The following RAB40C variants were observed in gnomAD, a reference collection of about 807,000 sequenced individuals.
RAB40C encodes RAB40C, member RAS oncogene family, also known as ras-related protein Rab-40C.
RAB40C carries 8 observed loss-of-function variants against 28.1 expected under a neutral mutation model. That is an observed-to-expected ratio of 0.28 (90% CI 0.17 to 0.51). The LOEUF (loss-of-function observed/expected upper bound fraction) is 0.51. RAB40C is among the 20% of genes least tolerant of loss of function. RAB40C has a pLI of 0.97. For synonymous variants in RAB40C, 201 were observed against 171.7 expected, an observed-to-expected ratio of 1.17 and a Z score of -1.34; for missense variants, 288 against 405.9, an observed-to-expected ratio of 0.71 and a Z score of 2.50.
At chr16:624,540 A>G in intron 3 of RAB40C, 1 of 985,432 alleles carries the variant, frequency 1.0e-6, no homozygotes, top group Non-Finnish European at 1.2e-6. Flanking sequence ...TCTTCCAGAT[A>G]TCGAAAGATG....
chr16:594,861 G>A (rs533078903), intron 1 of RAB40C, among the ~76,000 whole-genome samples: 141 of 146,378 alleles, frequency 9.6e-4, no homozygotes, highest in African/African-American at 3.3e-3. Context: ...ACTCTCTTGC[G>A]CAGGCTGGAG....
intron 1 of RAB40C, among the ~76,000 whole-genome samples, chr16:605,712 A>T (rs1316584936): frequency 6.6e-6 from 1 of 152,044 alleles, no homozygotes; most frequent in Non-Finnish European, 1.5e-5. Context: ...GGGCTTTGGG[A>T]TGGTTTCCAT....
At chr16:622,879 T>C (rs2036750560) in intron 3 of RAB40C, among the ~76,000 whole-genome samples, 1 of 152,212 alleles carries the variant, frequency 6.6e-6, no homozygotes, top group South Asian at 2.1e-4. Context: ...TGTCCCGTGC[T>C]CTGCCCCTTG....
At chr16:601,999 A>T (rs2036262501) in intron 1 of RAB40C, among the ~76,000 whole-genome samples, 1 of 151,706 alleles carries the variant, frequency 6.6e-6, no homozygotes, top group Non-Finnish European at 1.5e-5. Context: ...GGTGTCGGGC[A>T]CCTGTAATCC....
rs1017643071 is a variant in RAB40C, at chr16:623,009, C to T, written c.265-2423C>T. 3.9e-5 allele frequency among the ~76,000 whole-genome samples: 6 copies of T among 152,126 alleles called. No homozygotes were observed. The South Asian group carries it at 6.2e-4, about 16-fold the overall frequency. On this transcript the variant is annotated intron_variant, in intron 3 of 5. Transcript: ENST00000248139. Reference sequence around the variant, plus strand: ...GTCCCTGCGGCCTCACTGTGACCCACGCCGGAGCAAGCCTCCGGGTCCTCC... The same window carrying T: ...GTCCCTGCGGCCTCACTGTGACCCATGCCGGAGCAAGCCTCCGGGTCCTCC...
At position 626,000 on chromosome 16, in the gene RAB40C, C is replaced by T. The variant is rs945539658; in HGVS notation, c.444C>T (p.Asn148=). The T allele has an allele frequency of 2.5e-6, 4 of 1,613,214 alleles. No individual in the cohort carries two copies. The African/African-American group carries it at 4.0e-5, about 16-fold the overall frequency. The change falls in exon 5 of 6, where the codon AAC becomes AAT. Residue 148 remains asparagine, a synonymous_variant. Coordinates refer to ENST00000248139, the MANE Select transcript of RAB40C (RefSeq NM_021168.5). ...TEQARAYAEK[N]CMTFFEVSPL... is the part of the protein sequence containing the mutation. ...AGGCCCGCGCGTACGCAGAGAAGAA[C>T]TGCATGACCTTCTTTGAGGTCAGCC...
At chr16:622,800 G>A (rs1385125243) in intron 3 of RAB40C, among the ~76,000 whole-genome samples, 1 of 152,222 alleles carries the variant, frequency 6.6e-6, no homozygotes, top group Non-Finnish European at 1.5e-5. Flanking sequence ...CACGGCGCCT[G>A]GCCGAAGTCG....
At chr16:614,001 T>C (rs1349918352) in intron 1 of RAB40C, among the ~76,000 whole-genome samples, 3 of 152,222 alleles carry the variant, frequency 2.0e-5, no homozygotes, top group Non-Finnish European at 4.4e-5. Flanking sequence ...GGCTGCGGCC[T>C]CTACTGCATC....
intron 1 of RAB40C, among the ~76,000 whole-genome samples, chr16:607,668 G>A (rs985541691): frequency 1.3e-5 from 2 of 152,042 alleles, no homozygotes; most frequent in Non-Finnish European, 1.5e-5. Context: ...GTGGGCGCCT[G>A]TAGTCCCAGC....
rs769304242 is a variant in RAB40C, at chr16:627,657, G to T, written c.*35G>T. 3.2e-6 allele frequency: 5 copies of T among 1,541,618 alleles called. No homozygotes were observed. Among genetic ancestry groups the T allele is most frequent in the Non-Finnish European group, 4.4e-6 (5 of 1,142,466 alleles). On this transcript the variant is annotated 3_prime_UTR_variant, in exon 6 of 6. Coordinates refer to ENST00000248139, the MANE Select transcript of RAB40C (RefSeq NM_021168.5). ...GCGGGGCCGCCTGTGCAGATGCCAG[G>T]AGGGCTCGAGCTGGACACTCCTGGC...
chr16:591,657 T>C (rs2036002014), intron 1 of RAB40C, among the ~76,000 whole-genome samples: 1 of 151,724 alleles, frequency 6.6e-6, no homozygotes, highest in Admixed American at 6.6e-5. Context: ...AGTGGCACAA[T>C]TTCAGCTCAC....
chr16:605,826 T>TA (rs1426934905), intron 1 of RAB40C, among the ~76,000 whole-genome samples: 2 of 152,162 alleles, frequency 1.3e-5, no homozygotes, highest in Non-Finnish European at 2.9e-5. Context: ...AGCTGGGCTG[T>TA]AGGGCCTGTG....
intron 1 of RAB40C, chr16:596,568 G>A (rs1596398155): frequency 3.0e-6 from 1 of 331,916 alleles, no homozygotes; most frequent in South Asian, 2.3e-5. Flanking sequence ...TCCTGGTGCG[G>A]AGAACGCTGC....
At chr16:625,382 C>A in intron 3 of RAB40C, 50 bp from the exon 4 acceptor site, 1 of 1,594,798 alleles carries the variant, frequency 6.3e-7, no homozygotes, top group African/African-American at 1.3e-5. Context: ...TGGGCCTGGG[C>A]TGGCCATGCG....
Position 590,225 on chromosome 16 carries a change from C to G in RAB40C, c.-67C>G. On this transcript the variant is annotated 5_prime_UTR_variant, in exon 1 of 6. Coordinates refer to ENST00000248139, the MANE Select transcript of RAB40C (RefSeq NM_021168.5). Reference sequence around the variant, plus strand: ...GGCGCAGGTGCGGGGCGCGGGCTCTCTCACGCCGCGGCCTCACCCGGCGGT... The same window carrying G: ...GGCGCAGGTGCGGGGCGCGGGCTCTGTCACGCCGCGGCCTCACCCGGCGGT... 8.1e-7 allele frequency: 1 copy of G among 1,234,980 alleles called. No homozygotes were observed. The highest frequency in any genetic ancestry group is 1.0e-6 in the Non-Finnish European group (1 of 977,190). The allele number at this position is 1,234,980 out of a possible 1,614,324, so 76.5% of individuals were successfully genotyped here.
At chr16:608,715 C>T (rs890184912) in intron 1 of RAB40C, among the ~76,000 whole-genome samples, 2 of 151,738 alleles carry the variant, frequency 1.3e-5, no homozygotes, top group African/African-American at 4.8e-5. Flanking sequence ...ACAAAAAATG[C>T]AAAAAAAATT....
chr16:626,232 T>C, intron 5 of RAB40C, 111 bp downstream of exon 5: 1 of 1,137,656 alleles, frequency 8.8e-7, no homozygotes, highest in Non-Finnish European at 1.3e-6. Context: ...GCAGGTCCCT[T>C]GGCAACGCGC....
At chr16:626,898 A>G (rs554634553) in intron 5 of RAB40C, among the ~76,000 whole-genome samples, 4 of 152,354 alleles carry the variant, frequency 2.6e-5, no homozygotes, top group African/African-American at 9.6e-5. Flanking sequence ...AGATCGTGCC[A>G]CGGCACTCCA....
At chr16:607,158 G>A (rs2036376706) in intron 1 of RAB40C, among the ~76,000 whole-genome samples, 1 of 152,216 alleles carries the variant, frequency 6.6e-6, no homozygotes, top group African/African-American at 2.4e-5. Flanking sequence ...CAGGGGCACA[G>A]GTGCCACGTC....
Sources: gnomAD v4.1 joint callset for allele counts (sites outside exome capture counted in the v4.1 genomes callset) on GRCh38, gnomAD v4.1.1 for gene constraint, MANE v1.5 for transcripts, NCBI Gene and HGNC (gene_info 2026-07-23, HGNC 2026-07-21) for gene names.